ABCC3: variants seen among roughly 807,000 people sequenced by gnomAD.
ABCC3 encodes ATP-binding cassette sub-family C member 3.
In ABCC3, 121 loss-of-function variants were observed where a neutral mutation model predicts 165.3. The observed-to-expected ratio is 0.73, with a 90% CI of 0.63 to 0.85. The LOEUF is 0.85. ABCC3 is among the 40% of genes least tolerant of loss of function. The pLI is 0.00. For synonymous variants in ABCC3, 733 were observed against 810.1 expected (o/e 0.90, Z 1.62); for missense variants, 1,869 against 1,964.1 (o/e 0.95, Z 0.92).
chr17:50,647,385 T>C (rs1597840604), intron 1 of ABCC3, among the ~76,000 whole-genome samples: 1 of 151,850 alleles, frequency 6.6e-6, no homozygotes. Context: ...TGGCAGGGAG[T>C]GAAGGATCTT....
Position 50,659,377 on chromosome 17 carries a change from C to T in ABCC3, c.806+9C>T. 1.2e-6 allele frequency: 2 copies of T among 1,602,298 alleles called. No individual in the cohort carries two copies. Among genetic ancestry groups the T allele is most frequent in the Non-Finnish European group, 1.7e-6 (2 of 1,171,246 alleles). ...GAAAAGCAGACGGCACGGTGAGGCC[C>T]TCCCCTTGCCCCAACACCCAGCCCC... On this transcript the variant is annotated intron_variant, in intron 7 of 30. Transcript: ENST00000285238.
intron 1 of ABCC3, among the ~76,000 whole-genome samples, chr17:50,645,378 A>G (rs1253797676): frequency 6.8e-6 from 1 of 147,400 alleles, no homozygotes; most frequent in African/African-American, 2.5e-5. Context: ...CATCAAAAAA[A>G]AAAAAAAAAA....
intron 1 of ABCC3, chr17:50,635,690 T>C: frequency 1.5e-6 from 1 of 674,990 alleles, no homozygotes; most frequent in Non-Finnish European, 2.7e-6. Context: ...TTGCCCAAAG[T>C]TACCCAGTTC....
At chr17:50,640,491 A>T (rs1341428310) in intron 1 of ABCC3, among the ~76,000 whole-genome samples, 1 of 152,202 alleles carries the variant, frequency 6.6e-6, no homozygotes, top group Admixed American at 6.5e-5. Context: ...CAGGCGCAGC[A>T]CAACCAGTTT....
intron 7 of ABCC3, among the ~76,000 whole-genome samples, chr17:50,659,905 G>A (rs1400501953): frequency 6.6e-6 from 1 of 152,182 alleles, no homozygotes; most frequent in African/African-American, 2.4e-5. Context: ...AGGATCATTT[G>A]AGCCCAAGAG....
rs755358050 is a variant in ABCC3, at chr17:50,675,391, C to T, written c.2629C>T (p.Leu877=). 12 of 1,613,822 alleles carry T rather than the reference C, an allele frequency of 7.4e-6. No homozygotes were observed. The East Asian group carries it at 2.7e-4, about 36-fold the overall frequency. ...ALEGAEDKEA[L]LIEDTLSNHT... is the part of the protein sequence containing the mutation. ...GGAAGGTGCAGAGGATAAGGAGGCA[C>T]TGCTGATTGAAGACACACTCAGCAA... The change falls in exon 20 of 31, where the codon CTG becomes TTG. Residue 877 remains leucine, a synonymous_variant. Transcript: ENST00000285238.
At position 50,663,849 on chromosome 17, in the gene ABCC3, C is replaced by G; in HGVS notation, c.1167C>G (p.Ile389Met). ...VKFRTGIMGV[I>M]YRKALVITNS... ...TTCGTACTGGGATCATGGGTGTCAT[C>G]TACAGGAAGGTCAGCTGGAGCAGGG... is the stretch of plus-strand genomic sequence containing the variant. The change falls in exon 9 of 31, where the codon ATC (isoleucine) becomes ATG (methionine). Residue 389 changes from isoleucine to methionine, a missense_variant. Coordinates refer to ENST00000285238, the MANE Select transcript of ABCC3 (RefSeq NM_003786.4). The G allele has an allele frequency of 6.2e-7, 1 of 1,614,192 alleles. No individual in the cohort carries two copies. Among genetic ancestry groups the G allele is most frequent in the South Asian group, 1.1e-5 (1 of 91,074 alleles).
At chr17:50,658,978 C>T (rs1473898744) in intron 6 of ABCC3, among the ~76,000 whole-genome samples, 1 of 152,202 alleles carries the variant, frequency 6.6e-6, no homozygotes, top group African/African-American at 2.4e-5. Flanking sequence ...ATTCCATCAC[C>T]AGGGCCTGGG....
chr17:50,676,619 G>A (rs367642973), intron 23 of ABCC3, 31 bp downstream of exon 23: 73 of 1,560,788 alleles, frequency 4.7e-5, no homozygotes, highest in African/African-American at 1.1e-4. Context: ...CAGTGTGGGC[G>A]TGGTGTTATT....
Position 50,691,273 on chromosome 17 carries a change from C to T in ABCC3, c.*73C>T. 8.2e-7 allele frequency: 1 copy of T among 1,212,306 alleles called. No individual in the cohort carries two copies. Among genetic ancestry groups the T allele is most frequent in the Non-Finnish European group, 1.2e-6 (1 of 825,640 alleles). The allele number at this position is 1,212,306 out of a possible 1,614,324, so 75.1% of individuals were successfully genotyped here. A position where few individuals can be genotyped will look rare whatever the true frequency, so the allele number is the denominator to read the frequency against. On this transcript the variant is annotated 3_prime_UTR_variant, in exon 31 of 31. Transcript: ENST00000285238. ...AAGGAAATGACACCAAATATGTCCGCAGAATGGACTTGATAGCAAACACTG... is the reference window on the plus strand; with the variant it reads ...AAGGAAATGACACCAAATATGTCCGTAGAATGGACTTGATAGCAAACACTG...
At chr17:50,658,595 C>T in intron 6 of ABCC3, 99 bp downstream of exon 6, 10 of 1,271,788 alleles carry the variant, frequency 7.9e-6, no homozygotes, top group South Asian at 7.2e-5. Context: ...ACCGGGCTGG[C>T]CACCTATCCC....
intron 1 of ABCC3, chr17:50,635,527 G>C (rs1251493100): frequency 1.0e-5 from 7 of 702,464 alleles, no homozygotes; most frequent in Non-Finnish European, 1.0e-5. Context: ...CTCTAGGTAA[G>C]ACTGAGGTCT....
At position 50,673,537 on chromosome 17, in the gene ABCC3, T is replaced by C. The variant is rs756257075; in HGVS notation, c.2478T>C (p.Asp826=). ...PQTDFIIVLA[D]GQVSEMGPYP... ...CAGACTTCATCATTGTGCTAGCTGA[T>C]GGACAGGTGTCTGAGATGGGCCCGT... The change falls in exon 19 of 31, where the codon GAT becomes GAC. Residue 826 remains aspartate, a synonymous_variant. Coordinates refer to ENST00000285238, the MANE Select transcript of ABCC3 (RefSeq NM_003786.4). 2 of 1,614,184 alleles carry C rather than the reference T, an allele frequency of 1.2e-6. No homozygotes were observed. Among genetic ancestry groups the C allele is most frequent in the Non-Finnish European group, 8.5e-7 (1 of 1,180,030 alleles).
intron 30 of ABCC3, chr17:50,688,367 T>C (rs1968061677): frequency 6.6e-6 from 1 of 152,388 alleles, no homozygotes; most frequent in Non-Finnish European, 1.5e-5. Context: ...AGAAACCTGC[T>C]GGCAGAGTGC....
rs1213216405 is a variant in ABCC3, at chr17:50,669,513, A to G, written c.2226A>G (p.Thr742=). The part of the protein sequence containing the change: ...DLEMLPGGDQ[T]EIGEKGINLS... ...AGATGCTGCCTGGTGGGGATCAGAC[A>G]GAGATTGGAGAGAAGGTACAGAGTC... The change falls in exon 17 of 31, where the codon ACA becomes ACG. Residue 742 remains threonine, a synonymous_variant. Transcript: ENST00000285238. 1 of 1,614,196 alleles carries G rather than the reference A, an allele frequency of 6.2e-7. No homozygotes were observed. Among genetic ancestry groups the G allele is most frequent in the South Asian group, 1.1e-5 (1 of 91,088 alleles).
intron 1 of ABCC3, among the ~76,000 whole-genome samples, chr17:50,636,439 C>T (rs931271434): frequency 1.3e-5 from 2 of 152,122 alleles, no homozygotes; most frequent in Non-Finnish European, 2.9e-5. Flanking sequence ...AAGGTTAATC[C>T]GAGATGGTGC....
chr17:50,688,990 G>A (rs1380270925), intron 30 of ABCC3, among the ~76,000 whole-genome samples: 1 of 151,762 alleles, frequency 6.6e-6, no homozygotes, highest in African/African-American at 2.4e-5. Flanking sequence ...ATCATTTGAG[G>A]TCAGAAGTTA....
intron 6 of ABCC3, 37 bp from the exon 7 acceptor site, chr17:50,659,200 T>C (rs35319009): frequency 1.2e-6 from 2 of 1,608,766 alleles, no homozygotes; most frequent in Admixed American, 3.3e-5. Context: ...ACCCTGACCC[T>C]CTGCGGGGCT....
chr17:50,676,041 C>A lies in ABCC3; in HGVS notation c.3018C>A (p.Asn1006Lys). 1 of 1,614,180 alleles carries A rather than the reference C, an allele frequency of 6.2e-7. No individual in the cohort carries two copies. Residue 1006 changes from asparagine (N) to lysine (K), a missense_variant, in exon 22 of 31, where the codon AAC becomes AAA. Transcript: ENST00000285238. Reference sequence around the variant, plus strand: ...ATGCCATGGCAGACAGTAGACAGAACAACACTTCCCTGAGGCTGGGCGTCT... The same window carrying A: ...ATGCCATGGCAGACAGTAGACAGAAAAACACTTCCCTGAGGCTGGGCGTCT... ...TNDAMADSRQ[N>K]NTSLRLGVYA...
Sources: gnomAD v4.1 joint callset for allele counts (sites outside exome capture counted in the v4.1 genomes callset) on GRCh38, gnomAD v4.1.1 for gene constraint, MANE v1.5 for transcripts, NCBI Gene and HGNC (gene_info 2026-07-23, HGNC 2026-07-21) for gene names.